RBFOX1: variants seen among roughly 807,000 people sequenced by gnomAD.
RBFOX1 encodes RNA binding protein fox-1 homolog 1.
RBFOX1 carries 8 observed loss-of-function variants against 57.7 expected under a neutral mutation model. That is an observed-to-expected ratio of 0.14 (90% CI 0.08 to 0.25). The LOEUF is 0.25. RBFOX1 is among the 10% of genes least tolerant of loss of function. The probability of loss-of-function intolerance (pLI) is 1.00; values close to 1 mark genes in which losing one functional copy is unlikely to be tolerated. For synonymous variants in RBFOX1, 326 were observed against 222.4 expected (o/e 1.47, Z -4.15); for missense variants, 611 against 548.5 (o/e 1.11, Z -1.14).
chr16:7,080,587 C>G (rs77671871), intron 4 of RBFOX1, among the ~76,000 whole-genome samples: 414 of 152,244 alleles, frequency 2.7e-3, no homozygotes, highest in African/African-American at 9.5e-3. Context: ...CAGCAATTTG[C>G]TCTCTGGGTA....
At chr16:6,519,593 CA>C (rs2096460389) in intron 2 of RBFOX1, among the ~76,000 whole-genome samples, 2 of 152,078 alleles carry the variant, frequency 1.3e-5, no homozygotes, top group Admixed American at 1.3e-4. Flanking sequence ...TCCAGCTACT[CA>C]GGAGGCTGAG....
intron 4 of RBFOX1, among the ~76,000 whole-genome samples, chr16:7,230,284 C>T (rs898770991): frequency 6.6e-6 from 1 of 152,020 alleles, no homozygotes; most frequent in African/African-American, 2.4e-5. Context: ...AAGTACCTGC[C>T]GTCGTTGTCT....
At chr16:6,913,458 G>A (rs2072246893) in intron 3 of RBFOX1, among the ~76,000 whole-genome samples, 1 of 152,208 alleles carries the variant, frequency 6.6e-6, no homozygotes, top group Non-Finnish European at 1.5e-5. Flanking sequence ...CAGACCCTGA[G>A]CATGTTGCCA....
intron 2 of RBFOX1, among the ~76,000 whole-genome samples, chr16:6,453,372 C>G (rs1425722257): frequency 2.0e-5 from 3 of 152,124 alleles, no homozygotes; most frequent in Non-Finnish European, 4.4e-5. Flanking sequence ...GTTTGGTTTT[C>G]TGTTCCTGTG....
At chr16:7,459,092 G>C (rs1378182554) in intron 4 of RBFOX1, among the ~76,000 whole-genome samples, 2 of 152,158 alleles carry the variant, frequency 1.3e-5, no homozygotes, top group African/African-American at 4.8e-5. Context: ...ATGGATGGAT[G>C]ATGGGCAGAT....
At chr16:6,783,973 T>A (rs1047605773) in intron 3 of RBFOX1, among the ~76,000 whole-genome samples, 1 of 152,200 alleles carries the variant, frequency 6.6e-6, no homozygotes, top group East Asian at 1.9e-4. Context: ...CACTCCCTCA[T>A]GGCCTATAAG....
At chr16:6,871,524 C>T (rs1442428809) in intron 3 of RBFOX1, among the ~76,000 whole-genome samples, 1 of 152,030 alleles carries the variant, frequency 6.6e-6, no homozygotes, top group Non-Finnish European at 1.5e-5. Context: ...CCTTATCCCT[C>T]ATGCCCAGAG....
chr16:6,500,002 C>A (rs928566056), intron 2 of RBFOX1, among the ~76,000 whole-genome samples: 1 of 152,094 alleles, frequency 6.6e-6, no homozygotes, highest in Non-Finnish European at 1.5e-5. Flanking sequence ...TTGGGACCTC[C>A]TTTCTAGAAA....
At chr16:5,649,122 CACATATATACAT>C (rs1223739961) in intron 3 of RBFOX1, among the ~76,000 whole-genome samples, 1 of 151,890 alleles carries the variant, frequency 6.6e-6, no homozygotes, top group Non-Finnish European at 1.5e-5. Context: ...TATATATACA[CACATATATACAT>C]ACATATACAT....
At chr16:5,988,771 T>A (rs2060330772) in intron 4 of RBFOX1, among the ~76,000 whole-genome samples, 2 of 151,534 alleles carry the variant, frequency 1.3e-5, no homozygotes, top group South Asian at 4.1e-4. Flanking sequence ...TTTCTTTCCC[T>A]GCCCTTTCTC....
At chr16:5,744,352 A>T (rs893446067) in intron 3 of RBFOX1, among the ~76,000 whole-genome samples, 1 of 152,070 alleles carries the variant, frequency 6.6e-6, no homozygotes, top group Non-Finnish European at 1.5e-5. Context: ...TTATTTATCT[A>T]TTTCCATAGC....
chr16:6,487,696 AAAAAATATATATATATATATATATATAT>A (rs1435632715), intron 2 of RBFOX1, among the ~76,000 whole-genome samples: 3 of 6,346 alleles, frequency 4.7e-4, no homozygotes, highest in African/African-American at 7.8e-4. Flanking sequence ...AAAAAAAAAA[AAAAAATATATATATATATATATATATAT>A]ATATATATAT....
At chr16:7,525,071 A>C (rs1206899573) in intron 5 of RBFOX1, among the ~76,000 whole-genome samples, 1 of 152,200 alleles carries the variant, frequency 6.6e-6, no homozygotes, top group Non-Finnish European at 1.5e-5. Context: ...TCCTTCCAGA[A>C]GTGTTTTATG....
intron 1 of RBFOX1, among the ~76,000 whole-genome samples, chr16:5,333,611 T>C (rs999533729): frequency 6.6e-6 from 1 of 152,220 alleles, no homozygotes; most frequent in Admixed American, 6.5e-5. Context: ...TTCAGTGTAC[T>C]GTCATATGTC....
At chr16:6,341,319 A>C (rs1002303815) in intron 2 of RBFOX1, among the ~76,000 whole-genome samples, 2 of 152,054 alleles carry the variant, frequency 1.3e-5, no homozygotes, top group Admixed American at 6.6e-5. Context: ...AGTCTCTTTC[A>C]CATCAAATCC....
chr16:7,116,871 T>C (rs953623024), intron 4 of RBFOX1, among the ~76,000 whole-genome samples: 4 of 152,142 alleles, frequency 2.6e-5, no homozygotes, highest in African/African-American at 9.7e-5. Flanking sequence ...GTGGGAGTCA[T>C]CAACACAAGA....
chr16:7,166,881 A>T (rs531140746), intron 4 of RBFOX1, among the ~76,000 whole-genome samples: 1 of 150,192 alleles, frequency 6.7e-6, no homozygotes, highest in Non-Finnish European at 1.5e-5. Context: ...GACTGCACAG[A>T]CACAGCCACC....
intron 3 of RBFOX1, among the ~76,000 whole-genome samples, chr16:5,665,134 G>GC (rs926488483): frequency 1.4e-5 from 2 of 141,104 alleles, no homozygotes; most frequent in East Asian, 2.3e-4. Flanking sequence ...TTTTACATGG[G>GC]GGGGGGCGGT....
chr16:5,618,197 G>A (rs1375698818), intron 3 of RBFOX1, among the ~76,000 whole-genome samples: 4 of 152,124 alleles, frequency 2.6e-5, no homozygotes, highest in African/African-American at 9.7e-5. Context: ...GGTAAATTTT[G>A]TTCGTTTCTG....
Sources: allele counts gnomAD v4.1 joint callset (sites outside exome capture counted in the v4.1 genomes callset), GRCh38; gene constraint gnomAD v4.1.1; transcripts MANE v1.5; gene names NCBI Gene and HGNC (gene_info 2026-07-23, HGNC 2026-07-21).